The following SPEN variants were observed in gnomAD, a reference collection of about 807,000 sequenced individuals.
SPEN encodes the protein spen family transcriptional repressor.
Under a neutral mutation model 269.9 loss-of-function variants are expected in SPEN, and 18 were observed. The observed-to-expected ratio is 0.07, with a 90% confidence interval of 0.05 to 0.10. The LOEUF (loss-of-function observed/expected upper bound fraction) is 0.10, where lower values mean the gene tolerates loss of function less well. SPEN is among the 10% of genes least tolerant of loss of function. The pLI is 1.00. For missense variants in SPEN, 3,822 were observed against 4,631.2 expected (o/e 0.83, Z 5.07); for synonymous variants, 1,726 against 1,765.7 (o/e 0.98, Z 0.56).
Position 15,935,508 on chromosome 1 carries a change from C to G in SPEN, c.9268C>G (p.Leu3090Val). The G allele has an allele frequency of 6.2e-7, 1 of 1,614,124 alleles. No individual in the cohort carries two copies. Among genetic ancestry groups the G allele is most frequent in the Non-Finnish European group, 8.5e-7 (1 of 1,180,024 alleles). Residue 3090 changes from leucine to valine, a missense_variant, in exon 11 of 15, where the codon CTG becomes GTG. By Grantham distance (32) the Leu-to-Val change is conservative. Transcript: ENST00000375759. The surrounding 1 kb of genome is among the most constrained non-coding windows in gnomAD (Gnocchi z 7.7). ...PPHSITQTVSLSHLSQGEVRM... is the reference protein window; with the variant it reads ...PPHSITQTVSVSHLSQGEVRM... ...CCACAGCATCACCCAGACTGTGTCC[C>G]TGAGCCACCTCTCCCAGGGCGAGGT...
chr1:15,866,316 A>G (rs529963365), intron 1 of SPEN, among the ~76,000 whole-genome samples: 1 of 152,220 alleles, frequency 6.6e-6, no homozygotes, highest in South Asian at 2.1e-4. Flanking sequence ...GTTACTGAAA[A>G]GAGTGATTAA....
intron 1 of SPEN, among the ~76,000 whole-genome samples, chr1:15,870,140 G>A (rs1227156506): frequency 6.6e-6 from 1 of 152,108 alleles, no homozygotes; most frequent in Non-Finnish European, 1.5e-5. Context: ...AAAGTGCTGC[G>A]ATTACAGGTG....
intron 1 of SPEN, 103 bp from the exon 2 acceptor site, chr1:15,872,705 TTGCAGGTC>T (rs1467312716): frequency 3.0e-6 from 2 of 672,966 alleles, no homozygotes; most frequent in East Asian, 5.6e-5. Context: ...AAAAGTCATT[TTGCAGGTC>T]GTCCCTCCTA....
intron 10 of SPEN, among the ~76,000 whole-genome samples, chr1:15,923,729 A>G (rs2148735457): frequency 6.7e-6 from 1 of 149,846 alleles, no homozygotes; most frequent in East Asian, 2.0e-4. Flanking sequence ...GAGTGCAGTG[A>G]TGCGATATTG....
intron 1 of SPEN, among the ~76,000 whole-genome samples, chr1:15,850,704 G>A (rs1208687785): frequency 6.6e-6 from 1 of 152,176 alleles, no homozygotes; most frequent in Non-Finnish European, 1.5e-5. Context: ...TGTAAAATGT[G>A]TGATTGCTAC....
intron 3 of SPEN, among the ~76,000 whole-genome samples, chr1:15,890,271 C>CATTTTT (rs1172474575): frequency 1.1e-4 from 17 of 152,020 alleles, no homozygotes; most frequent in Non-Finnish European, 2.4e-4. Flanking sequence ...ATCAGGTTGA[C>CATTTTT]ATTTTTATTT....
chr1:15,898,887 G>A (rs981601480), intron 3 of SPEN, among the ~76,000 whole-genome samples: 4 of 151,984 alleles, frequency 2.6e-5, no homozygotes, highest in African/African-American at 7.2e-5. Flanking sequence ...TTAAAAGGCT[G>A]AATAATATTC....
Position 15,848,864 on chromosome 1 carries a change from C to CCCCG in SPEN, c.83+715_83+718dup, listed in dbSNP as rs1334201043. On this transcript the variant is annotated intron_variant, in intron 1 of 14. Transcript: ENST00000375759. This position sits in a 1 kb window ranked among gnomAD's most constrained non-coding sequence, Gnocchi z 5.1. ...ACCGCGTCTGACAGGAGGTTGCTAG[C>CCCCG]CCCGGCGCCCGTAGCCTCGGGTCGC... is the stretch of plus-strand genomic sequence containing the variant. 6.6e-6 allele frequency among the ~76,000 whole-genome samples: 1 copy of CCCCG among 152,070 alleles called. No homozygotes were observed. The highest frequency in any genetic ancestry group is 1.5e-5 in the Non-Finnish European group (1 of 68,000).
Position 15,936,012 on chromosome 1 carries a change from G to A in SPEN, c.9772G>A (p.Ala3258Thr). 1 of 1,538,170 alleles carries A rather than the reference G, an allele frequency of 6.5e-7. No individual in the cohort carries two copies. The highest frequency in any genetic ancestry group is 2.3e-5 in the East Asian group (1 of 42,974). Residue 3258 changes from alanine (A) to threonine (T), a missense_variant, in exon 11 of 15, where the codon GCC (alanine) becomes ACC (threonine). Transcript: ENST00000375759. ...APVPVPVPLP[A>T]PAPAPHGEAR... Reference sequence around the variant, plus strand: ...CGTCCCTGTCCCTGTCCCCCTTCCTGCCCCTGCTCCTGCCCCTCATGGTGA... The same window carrying A: ...CGTCCCTGTCCCTGTCCCCCTTCCTACCCCTGCTCCTGCCCCTCATGGTGA...
In SPEN at chr1:15,932,372, C is replaced by G. The variant is rs766579637; in HGVS notation, c.6132C>G (p.Asp2044Glu). Residue 2044 changes from aspartate (D) to glutamate (E), a missense_variant, in exon 11 of 15, where the codon GAC becomes GAG. This residue lies in a region of SPEN where 727 missense variants were observed against 737.9 expected (regional missense o/e 0.99). Coordinates refer to ENST00000375759, the MANE Select transcript of SPEN (RefSeq NM_015001.3). The surrounding 1 kb of genome is among the most constrained non-coding windows in gnomAD (Gnocchi z 4.2). ...EEEAGSEQKRDRKDAGTDKNP... is the reference protein window; with the variant it reads ...EEEAGSEQKRERKDAGTDKNP... The stretch of plus-strand genomic sequence containing the variant: ...AGGCAGGGAGTGAACAGAAACGTGA[C>G]AGAAAAGATGCTGGCACAGACAAAA... 4 of 1,613,984 alleles carry G rather than the reference C, an allele frequency of 2.5e-6. No individual in the cohort carries two copies. The highest frequency in any genetic ancestry group is 3.4e-6 in the Non-Finnish European group (4 of 1,180,038).
chr1:15,938,565 CTTTTTTT>C, intron 13 of SPEN, 146 bp from the exon 14 acceptor site: 8 of 238,278 alleles, frequency 3.4e-5, no homozygotes, highest in Middle Eastern at 1.4e-3. Flanking sequence ...TGAAAAAAAG[CTTTTTTT>C]TTTTTTTTTT....
chr1:15,853,786 A>C (rs1173743913), intron 1 of SPEN, among the ~76,000 whole-genome samples: 1 of 151,636 alleles, frequency 6.6e-6, no homozygotes, highest in African/African-American at 2.4e-5. Flanking sequence ...CTCCCGCTTT[A>C]GCCTCCCGAG....
At chr1:15,903,061 T>A (rs949323671) in intron 3 of SPEN, among the ~76,000 whole-genome samples, 13 of 152,360 alleles carry the variant, frequency 8.5e-5, no homozygotes, top group South Asian at 4.1e-4. Context: ...TCTTGTACGT[T>A]AACAAATATA....
Position 15,931,234 on chromosome 1 carries a change from C to T in SPEN, c.4994C>T (p.Ala1665Val), listed in dbSNP as rs199930614. The change falls in exon 11 of 15, where the codon GCG becomes GTG. Residue 1665 changes from alanine to valine, a missense_variant. This residue lies in a region of SPEN where 533 missense variants were observed against 618.8 expected (regional missense o/e 0.86). Coordinates refer to ENST00000375759, the MANE Select transcript of SPEN (RefSeq NM_015001.3). The surrounding 1 kb of genome is among the most constrained non-coding windows in gnomAD (Gnocchi z 4.8). ...ACCACTGGTGACAAAACGGTAGAGG[C>T]GCCTTTGGTAACAGAAGAGAAGACT... is the stretch of plus-strand genomic sequence containing the variant. The part of the protein sequence containing the change: ...EKTTGDKTVE[A>V]PLVTEEKTVE... 1.3e-4 allele frequency: 208 copies of T among 1,614,042 alleles called. No individual in the cohort carries two copies. The highest frequency in any genetic ancestry group is 1.2e-4 in the Non-Finnish European group (147 of 1,180,036).
rs2071185712 is a variant in SPEN at position 15,928,133 on chromosome 1, ATAT to A, written c.1897_1899del (p.Tyr633del). The A allele has an allele frequency of 2.5e-6, 4 of 1,613,834 alleles. No individual in the cohort carries two copies. The African/African-American group carries it at 5.3e-5, about 22-fold the overall frequency. On this transcript the variant is annotated inframe_deletion, in exon 11 of 15. Transcript: ENST00000375759. The surrounding 1 kb of genome is among the most constrained non-coding windows in gnomAD (Gnocchi z 5.7). ...CCTACGACTATAACCAAGATCGTAC[ATAT>A]TATGAGAGTGTTCGAACTCCAGGCA...
intron 6 of SPEN, among the ~76,000 whole-genome samples, chr1:15,918,076 A>G (rs916587379): frequency 4.6e-5 from 7 of 152,138 alleles, no homozygotes; most frequent in African/African-American, 1.2e-4. Flanking sequence ...GCCTACCTAG[A>G]TGGGTGGTAT....
At chr1:15,912,951 T>G (rs2071024525) in intron 5 of SPEN, among the ~76,000 whole-genome samples, 1 of 152,224 alleles carries the variant, frequency 6.6e-6, no homozygotes, top group Admixed American at 6.5e-5. Context: ...CCTAGTTATT[T>G]AGCACCTAGG....
At chr1:15,880,928 G>A (rs988932430) in intron 3 of SPEN, among the ~76,000 whole-genome samples, 11 of 152,168 alleles carry the variant, frequency 7.2e-5, no homozygotes, top group African/African-American at 2.7e-4. Flanking sequence ...GGAACAACCT[G>A]AGGTGGAAGG....
chr1:15,880,853 G>A (rs2070681539), intron 3 of SPEN, among the ~76,000 whole-genome samples: 1 of 152,172 alleles, frequency 6.6e-6, no homozygotes, highest in Admixed American at 6.6e-5. Context: ...AGGCTATGAA[G>A]GATATGCAGG....
Sources: allele counts gnomAD v4.1 joint callset (sites outside exome capture counted in the v4.1 genomes callset), GRCh38; gene constraint gnomAD v4.1.1; regional missense constraint gnomAD v4.1.1; non-coding constraint Gnocchi (gnomAD v3.1); transcripts MANE v1.5; gene names NCBI Gene and HGNC (gene_info 2026-07-23, HGNC 2026-07-21).